Variants in TMEM108 observed in about 807,000 individuals in gnomAD.
The protein encoded by TMEM108 is cancer/testis antigen 124.
In TMEM108, 12 loss-of-function variants were observed where a neutral mutation model predicts 35.1. The observed-to-expected ratio is 0.34, with a 90% CI of 0.22 to 0.55. TMEM108 has a LOEUF of 0.55. TMEM108 is among the 20% of genes least tolerant of loss of function. The probability of loss-of-function intolerance (pLI) is 0.89; values close to 1 mark genes in which losing one functional copy is unlikely to be tolerated. For missense variants in TMEM108, 680 were observed against 753.3 expected (o/e 0.90, Z 1.14); for synonymous variants, 287 against 308.6 (o/e 0.93, Z 0.73).
At chr3:133,363,068 C>T (rs13097026) in intron 3 of TMEM108, among the ~76,000 whole-genome samples, 2 of 152,116 alleles carry the variant, frequency 1.3e-5, no homozygotes, top group East Asian at 3.9e-4. Flanking sequence ...GTCAAACTTA[C>T]TACATGCGTG....
intron 3 of TMEM108, among the ~76,000 whole-genome samples, chr3:133,255,755 G>T (rs886871919): frequency 6.6e-6 from 1 of 152,180 alleles, no homozygotes; most frequent in Admixed American, 6.5e-5. Context: ...TTGGGTGGCC[G>T]AGGTGGATAG....
chr3:133,179,509 A>G (rs1945295831), intron 2 of TMEM108, among the ~76,000 whole-genome samples: 1 of 152,148 alleles, frequency 6.6e-6, no homozygotes, highest in Admixed American at 6.5e-5. Flanking sequence ...CTTTGTAGGG[A>G]CATGGATGAA....
At chr3:133,074,511 A>G (rs184247654) in intron 2 of TMEM108, among the ~76,000 whole-genome samples, 6 of 152,320 alleles carry the variant, frequency 3.9e-5, no homozygotes, top group Non-Finnish European at 8.8e-5. Flanking sequence ...GTTTTTTGAG[A>G]CGAAGTCTTG....
At chr3:133,287,624 C>T (rs546592000) in intron 3 of TMEM108, among the ~76,000 whole-genome samples, 12 of 152,244 alleles carry the variant, frequency 7.9e-5, no homozygotes, top group Admixed American at 7.9e-4. Flanking sequence ...AAAATGAACA[C>T]TGAGAGAAGA....
intron 2 of TMEM108, among the ~76,000 whole-genome samples, chr3:133,164,699 C>T (rs1051819988): frequency 6.6e-6 from 1 of 152,064 alleles, no homozygotes; most frequent in African/African-American, 2.4e-5. Flanking sequence ...GTATGACAAC[C>T]CTGGCTATGT....
intron 2 of TMEM108, among the ~76,000 whole-genome samples, chr3:133,194,917 C>G (rs1945555289): frequency 6.6e-6 from 1 of 152,118 alleles, no homozygotes. Flanking sequence ...GGCACTAACA[C>G]TTGACATGTG....
intron 2 of TMEM108, among the ~76,000 whole-genome samples, chr3:133,214,810 ACATTCTCATAGGAG>A (rs1945882811): frequency 6.6e-6 from 1 of 152,112 alleles, no homozygotes; most frequent in Non-Finnish European, 1.5e-5. Flanking sequence ...TGGTGGCATT[ACATTCTCATAGGAG>A]CAGGAACCCT....
intron 2 of TMEM108, among the ~76,000 whole-genome samples, chr3:133,086,782 G>A (rs1943888339): frequency 6.6e-6 from 1 of 152,206 alleles, no homozygotes; most frequent in South Asian, 2.1e-4. Flanking sequence ...CTTGTTAGCA[G>A]AAGGTAGAGC....
intron 3 of TMEM108, among the ~76,000 whole-genome samples, chr3:133,234,901 C>A (rs1946211047): frequency 6.6e-6 from 1 of 152,152 alleles, no homozygotes; most frequent in Non-Finnish European, 1.5e-5. Flanking sequence ...GCAACTTCAA[C>A]AGTCTCAGGA....
Position 133,157,545 on chromosome 3 carries a change from T to C in TMEM108, c.-46-71721T>C, listed in dbSNP as rs1272265303. On this transcript the variant is annotated intron_variant, in intron 2 of 5. Coordinates refer to ENST00000321871, the MANE Select transcript of TMEM108 (RefSeq NM_023943.4). ...TCAGATTTTAAGTTCTCACTCTCCT[T>C]GACACCCTTTTCTCACTTAGAGAAA... is the stretch of plus-strand genomic sequence containing the variant. Among the ~76,000 whole-genome samples, 3 of 152,216 alleles carry C rather than the reference T, an allele frequency of 2.0e-5. No homozygotes were observed. The East Asian group carries it at 5.8e-4, about 29-fold the overall frequency.
chr3:133,397,440 A>G lies in TMEM108; in HGVS notation c.*1454A>G, dbSNP rs2073322046. On this transcript the variant is annotated 3_prime_UTR_variant, in exon 6 of 6. Transcript: ENST00000321871. ...AAAGTGTGTTCTCAATGTTGTATGA[A>G]CCTCCTTCACATGAGTTCGGTTGTT... is the stretch of plus-strand genomic sequence containing the variant. 1 of 151,322 alleles carries G rather than the reference A, an allele frequency of 6.6e-6. No homozygotes were observed. Among genetic ancestry groups the G allele is most frequent in the Admixed American group, 6.6e-5 (1 of 15,162 alleles). 9.4% of individuals were successfully genotyped at this position (151,322 alleles called of 1,614,324 possible). A position where few individuals can be genotyped will look rare whatever the true frequency, so the allele number is the denominator to read the frequency against.
chr3:133,309,184 A>G (rs1041308218), intron 3 of TMEM108, among the ~76,000 whole-genome samples: 5 of 152,228 alleles, frequency 3.3e-5, no homozygotes, highest in Admixed American at 6.5e-5. Context: ...GGTAGTTTGT[A>G]TTTCTGTGGG....
At chr3:133,169,124 C>G (rs200145907) in intron 2 of TMEM108, among the ~76,000 whole-genome samples, 3 of 152,188 alleles carry the variant, frequency 2.0e-5, no homozygotes, top group African/African-American at 7.2e-5. Flanking sequence ...TCCAGACACA[C>G]TACTCCCAAG....
intron 2 of TMEM108, among the ~76,000 whole-genome samples, chr3:133,102,939 C>T (rs2107716797): frequency 6.6e-6 from 1 of 152,228 alleles, no homozygotes; most frequent in Admixed American, 6.5e-5. Flanking sequence ...CAAAAAATAA[C>T]AGATGCTGGC....
intron 2 of TMEM108, among the ~76,000 whole-genome samples, chr3:133,070,643 T>C (rs967867844): frequency 3.9e-5 from 6 of 152,184 alleles, no homozygotes; most frequent in African/African-American, 1.4e-4. Flanking sequence ...ACTCATTCTT[T>C]GTAACAAAGC....
At chr3:133,342,032 G>C (rs1035644218) in intron 3 of TMEM108, among the ~76,000 whole-genome samples, 1 of 151,636 alleles carries the variant, frequency 6.6e-6, no homozygotes, top group East Asian at 1.9e-4. Flanking sequence ...AAGAACAAAT[G>C]GGATCACTTC....
At position 133,203,322 on chromosome 3, in the gene TMEM108, A is replaced by G. The variant is rs143547525; in HGVS notation, c.-46-25944A>G. Among the ~76,000 whole-genome samples, 117 of 152,286 alleles carry G rather than the reference A, an allele frequency of 7.7e-4. No homozygotes were observed. In the East Asian group the frequency reaches 0.018, roughly 23 times the overall value. On this transcript the variant is annotated intron_variant, in intron 2 of 5. Coordinates refer to ENST00000321871, the MANE Select transcript of TMEM108 (RefSeq NM_023943.4). ...CTGACTGCCCTGGCCAGAACTTCGA[A>G]TACTATGTTGAACAGGAGTGGTGAG...
At chr3:133,342,557 C>CATATATAT (rs1559913959) in intron 3 of TMEM108, among the ~76,000 whole-genome samples, 6 of 44,774 alleles carry the variant, frequency 1.3e-4, no homozygotes, top group Admixed American at 7.9e-4. Flanking sequence ...TATATATATA[C>CATATATAT]ACACACACAC....
chr3:133,383,153 GCTTT>G (rs548025542), intron 4 of TMEM108, among the ~76,000 whole-genome samples: 23 of 152,212 alleles, frequency 1.5e-4, no homozygotes, highest in Non-Finnish European at 2.1e-4. Context: ...AGTAGAGACA[GCTTT>G]CTAATTTTCC....
Sources: gnomAD v4.1 joint callset for allele counts (sites outside exome capture counted in the v4.1 genomes callset) on GRCh38, gnomAD v4.1.1 for gene constraint, MANE v1.5 for transcripts, NCBI Gene and HGNC (gene_info 2026-07-23, HGNC 2026-07-21) for gene names.